Variants in NMNAT3 observed in about 807,000 individuals in gnomAD.
The protein encoded by NMNAT3 is nicotinamide/nicotinic acid mononucleotide adenylyltransferase 3.
A neutral mutation model predicts 24.8 loss-of-function variants in NMNAT3; 21 were observed. That is an observed-to-expected ratio of 0.85 (90% CI 0.60 to 1.22). The LOEUF (loss-of-function observed/expected upper bound fraction) is 1.22, where lower values mean the gene tolerates loss of function less well. Among genes scored for constraint, NMNAT3 ranks in the 50% most tolerant of loss-of-function variants. NMNAT3 has a pLI of 0.00. For synonymous variants in NMNAT3, 136 were observed against 155.2 expected, an observed-to-expected ratio of 0.88 and a Z score of 0.92; for missense variants, 387 against 436.6, an observed-to-expected ratio of 0.89 and a Z score of 1.01.
chr3:139,564,839 A>G (rs1936930872), intron 6 of NMNAT3, among the ~76,000 whole-genome samples: 2 of 152,240 alleles, frequency 1.3e-5, no homozygotes, highest in South Asian at 2.1e-4. Context: ...ATTTTACCCC[A>G]ATTACAAACA....
chr3:139,579,064 G>A lies in NMNAT3; in HGVS notation c.392-9C>T. The A allele has an allele frequency of 6.2e-7, 1 of 1,611,120 alleles. No individual in the cohort carries two copies. The highest frequency in any genetic ancestry group is 1.3e-5 in the African/African-American group (1 of 75,034). ...GATGACCTGGTACATTCCTAGGTAAGAGAGAGCAGTGGTGTTGCACATACA... is the reference window on the plus strand; with the variant it reads ...GATGACCTGGTACATTCCTAGGTAAAAGAGAGCAGTGGTGTTGCACATACA... On this transcript the variant is annotated splice_polypyrimidine_tract_variant and intron_variant, in intron 4 of 6. Coordinates refer to ENST00000643695, the MANE Select transcript of NMNAT3 (RefSeq NM_001320510.2).
chr3:139,673,936 G>C (rs1176583276), intron 1 of NMNAT3, among the ~76,000 whole-genome samples: 6 of 152,096 alleles, frequency 3.9e-5, no homozygotes, highest in Non-Finnish European at 8.8e-5. Flanking sequence ...GCACCCGCTG[G>C]TACTATGGGA....
At chr3:139,564,278 C>T (rs1936847977) in intron 6 of NMNAT3, among the ~76,000 whole-genome samples, 1 of 152,196 alleles carries the variant, frequency 6.6e-6, no homozygotes, top group African/African-American at 2.4e-5. Context: ...ACCTCACAGA[C>T]ACACTCAGAA....
intron 6 of NMNAT3, chr3:139,569,538 G>C (rs1442804851): frequency 1.3e-5 from 2 of 152,116 alleles, no homozygotes; most frequent in Admixed American, 1.3e-4. Context: ...GGCAGGCCTG[G>C]TGGTGACAAA....
At chr3:139,624,400 T>C (rs767552718) in intron 3 of NMNAT3, among the ~76,000 whole-genome samples, 1 of 152,126 alleles carries the variant, frequency 6.6e-6, no homozygotes, top group Non-Finnish European at 1.5e-5. Flanking sequence ...AATTCCACTG[T>C]GGTCAGAGAA....
chr3:139,563,188 A>C (rs1936672865), intron 6 of NMNAT3, among the ~76,000 whole-genome samples: 1 of 152,158 alleles, frequency 6.6e-6, no homozygotes, highest in Admixed American at 6.5e-5. Context: ...CACACTTTTC[A>C]CTAATTTGGG....
chr3:139,594,070 C>G (rs1576601082), intron 3 of NMNAT3, among the ~76,000 whole-genome samples: 1 of 151,732 alleles, frequency 6.6e-6, no homozygotes, highest in African/African-American at 2.4e-5. Context: ...ACTAGCAAGA[C>G]TAATAAAGAA....
intron 3 of NMNAT3, among the ~76,000 whole-genome samples, chr3:139,602,280 C>T (rs1329092881): frequency 6.6e-6 from 1 of 152,174 alleles, no homozygotes; most frequent in Non-Finnish European, 1.5e-5. Context: ...TCTGATGGAG[C>T]TGTGGACTCT....
chr3:139,650,587 G>A (rs2057023197), intron 1 of NMNAT3, among the ~76,000 whole-genome samples: 1 of 152,122 alleles, frequency 6.6e-6, no homozygotes, highest in Admixed American at 6.5e-5. Flanking sequence ...CTGGACTCAG[G>A]GCTGAGATTT....
chr3:139,655,697 A>T (rs532062946), intron 1 of NMNAT3, among the ~76,000 whole-genome samples: 2 of 152,270 alleles, frequency 1.3e-5, no homozygotes, highest in Non-Finnish European at 2.9e-5. Context: ...GCACTGCTGC[A>T]TCTTTTGCCA....
intron 4 of NMNAT3, among the ~76,000 whole-genome samples, chr3:139,579,575 T>A (rs1455186687): frequency 6.6e-6 from 1 of 152,166 alleles, no homozygotes; most frequent in East Asian, 1.9e-4. Flanking sequence ...AGGCCACCAC[T>A]GACCTGGGAG....
intron 3 of NMNAT3, among the ~76,000 whole-genome samples, chr3:139,592,328 C>A (rs942178732): frequency 7.9e-5 from 12 of 152,154 alleles, no homozygotes; most frequent in African/African-American, 2.7e-4. Context: ...GTGAAAAGAC[C>A]AAATCTACGT....
intron 1 of NMNAT3, among the ~76,000 whole-genome samples, 170 bp downstream of exon 1, chr3:139,677,535 G>C (rs2057971727): frequency 6.6e-6 from 1 of 152,202 alleles, no homozygotes; most frequent in South Asian, 2.1e-4. Context: ...AGGCAGCGCG[G>C]AGCTGTCCCC....
chr3:139,604,657 T>A (rs993318623), intron 3 of NMNAT3, among the ~76,000 whole-genome samples: 3 of 152,210 alleles, frequency 2.0e-5, no homozygotes, highest in Non-Finnish European at 4.4e-5. Flanking sequence ...CCCATGATCT[T>A]AACCAACACT....
At chr3:139,572,728 A>G (rs1277834640) in intron 6 of NMNAT3, among the ~76,000 whole-genome samples, 2 of 152,226 alleles carry the variant, frequency 1.3e-5, no homozygotes, top group Non-Finnish European at 2.9e-5. Context: ...AAAGAGTTCC[A>G]TACTTAAAAA....
At chr3:139,654,297 A>T (rs1397676065) in intron 1 of NMNAT3, among the ~76,000 whole-genome samples, 1 of 152,228 alleles carries the variant, frequency 6.6e-6, no homozygotes, top group African/African-American at 2.4e-5. Flanking sequence ...CAGAATAAGG[A>T]TGGTGATGAA....
intron 4 of NMNAT3, among the ~76,000 whole-genome samples, chr3:139,580,583 C>T (rs1171749730): frequency 2.0e-5 from 3 of 152,138 alleles, no homozygotes; most frequent in African/African-American, 7.2e-5. Flanking sequence ...TACAGACAGA[C>T]GCTCGCCACC....
chr3:139,652,839 G>A (rs1419106980), intron 1 of NMNAT3, among the ~76,000 whole-genome samples: 2 of 152,124 alleles, frequency 1.3e-5, no homozygotes, highest in African/African-American at 4.8e-5. Flanking sequence ...AGAACCAAAT[G>A]CAGCTCTGCC....
chr3:139,583,461 C>T, intron 3 of NMNAT3: 1 of 1,603,368 alleles, frequency 6.2e-7, no homozygotes, highest in Non-Finnish European at 8.5e-7. Flanking sequence ...TGAAGAACTT[C>T]TTGAGATGCT....
Sources: gnomAD v4.1 joint callset for allele counts (sites outside exome capture counted in the v4.1 genomes callset) on GRCh38, gnomAD v4.1.1 for gene constraint, MANE v1.5 for transcripts, NCBI Gene and HGNC (gene_info 2026-07-23, HGNC 2026-07-21) for gene names.